AFF3: variants seen among roughly 807,000 people sequenced by gnomAD.
The protein encoded by AFF3 is ALF transcription elongation factor 3.
AFF3 carries 32 observed loss-of-function variants against 129.7 expected under a neutral mutation model. The observed-to-expected ratio is 0.25, with a 90% CI of 0.19 to 0.33. The LOEUF (loss-of-function observed/expected upper bound fraction) is 0.33, where lower values mean the gene tolerates loss of function less well. Ranked by LOEUF, AFF3 falls within the 10% of genes least tolerant of loss-of-function variation. AFF3 has a pLI of 1.00. For synonymous variants in AFF3, 644 were observed against 635.4 expected (o/e 1.01, Z -0.20); for missense variants, 1,373 against 1,592.0 (o/e 0.86, Z 2.34).
intron 7 of AFF3, among the ~76,000 whole-genome samples, chr2:99,872,764 T>C (rs891830531): frequency 6.6e-6 from 1 of 152,206 alleles, no homozygotes; most frequent in Non-Finnish European, 1.5e-5. Context: ...TTTTGCAATA[T>C]AACATCGTTC....
At chr2:99,766,414 G>A (rs1683025963) in intron 8 of AFF3, among the ~76,000 whole-genome samples, 1 of 152,200 alleles carries the variant, frequency 6.6e-6, no homozygotes. Flanking sequence ...GGATGTCTCT[G>A]GGTCTTAAGG....
intron 7 of AFF3, among the ~76,000 whole-genome samples, chr2:99,859,749 T>C (rs17023236): frequency 0.16 from 24,456 of 152,142 alleles, 2,142 homozygotes; most frequent in Admixed American, 0.24. Flanking sequence ...AGAGAAGAAG[T>C]TGCAAAATTC....
intron 2 of AFF3, among the ~76,000 whole-genome samples, chr2:100,121,285 G>A (rs1263641070): frequency 4.6e-5 from 7 of 152,166 alleles, no homozygotes; most frequent in Non-Finnish European, 7.3e-5. Flanking sequence ...GCTGGGCTTC[G>A]GAGAATATAG....
intron 13 of AFF3, among the ~76,000 whole-genome samples, chr2:99,645,161 C>T (rs75360427): frequency 0.067 from 10,214 of 152,014 alleles, 429 homozygotes; most frequent in East Asian, 0.12. Context: ...ATGGTGAAGC[C>T]CCCCCTCTAC....
chr2:99,643,402 G>A (rs185927223), intron 13 of AFF3, among the ~76,000 whole-genome samples: 4 of 152,180 alleles, frequency 2.6e-5, no homozygotes, highest in Non-Finnish European at 4.4e-5. Context: ...TGGGGAGACC[G>A]AAGGCTGCTG....
intron 4 of AFF3, among the ~76,000 whole-genome samples, chr2:100,015,575 T>C (rs1682945042): frequency 6.6e-6 from 1 of 152,204 alleles, no homozygotes; most frequent in Non-Finnish European, 1.5e-5. Flanking sequence ...GTCAAACTAA[T>C]TAACATCTCT....
At chr2:100,045,560 T>C (rs1225510209) in intron 4 of AFF3, among the ~76,000 whole-genome samples, 1 of 149,350 alleles carries the variant, frequency 6.7e-6, no homozygotes, top group East Asian at 2.0e-4. Context: ...GGTCCACTTA[T>C]TGTAGGTTTT....
chr2:99,626,924 G>A (rs1268566274), intron 13 of AFF3, among the ~76,000 whole-genome samples: 4 of 152,038 alleles, frequency 2.6e-5, no homozygotes, highest in Non-Finnish European at 4.4e-5. Context: ...TTTTATGGCC[G>A]CATAGTAGCA....
At chr2:99,563,231 C>A (rs1319196343) in intron 20 of AFF3, among the ~76,000 whole-genome samples, 2 of 151,662 alleles carry the variant, frequency 1.3e-5, no homozygotes, top group Non-Finnish European at 2.9e-5. Flanking sequence ...CGCTCTGTCG[C>A]CCAGGCTGGA....
intron 7 of AFF3, among the ~76,000 whole-genome samples, chr2:99,856,349 C>G (rs1458021667): frequency 1.3e-5 from 2 of 152,052 alleles, no homozygotes; most frequent in African/African-American, 4.8e-5. Context: ...ACTAGGCATA[C>G]AAAGAACCGG....
At chr2:99,580,118 G>C (rs149440118) in intron 17 of AFF3, among the ~76,000 whole-genome samples, 16 of 152,040 alleles carry the variant, frequency 1.1e-4, no homozygotes, top group Admixed American at 2.6e-4. Flanking sequence ...TGTGGCCTCT[G>C]TTCCCCAGAT....
At chr2:99,918,303 T>C (rs964097381) in intron 7 of AFF3, among the ~76,000 whole-genome samples, 3 of 152,202 alleles carry the variant, frequency 2.0e-5, no homozygotes, top group African/African-American at 7.2e-5. Context: ...CAATCCAAGT[T>C]TGAAACATTC....
intron 19 of AFF3, among the ~76,000 whole-genome samples, chr2:99,566,852 C>T (rs927612756): frequency 1.3e-5 from 2 of 152,160 alleles, no homozygotes; most frequent in African/African-American, 4.8e-5. Flanking sequence ...AAAAAAACTT[C>T]ATTAGTAATG....
intron 4 of AFF3, among the ~76,000 whole-genome samples, chr2:100,070,607 C>T (rs1688101511): frequency 6.6e-6 from 1 of 152,174 alleles, no homozygotes; most frequent in African/African-American, 2.4e-5. Context: ...CCGTTTCATA[C>T]ATGATAATTT....
At chr2:99,820,507 C>A (rs1687574532) in intron 8 of AFF3, among the ~76,000 whole-genome samples, 1 of 151,906 alleles carries the variant, frequency 6.6e-6, no homozygotes, top group South Asian at 2.1e-4. Context: ...TAGGACATTA[C>A]CGTACACTAC....
At chr2:99,660,473 G>A (rs970826317) in intron 12 of AFF3, among the ~76,000 whole-genome samples, 3 of 152,194 alleles carry the variant, frequency 2.0e-5, no homozygotes, top group Non-Finnish European at 4.4e-5. Context: ...TTATACAAGA[G>A]AAAGCTGAAC....
intron 7 of AFF3, among the ~76,000 whole-genome samples, chr2:99,927,725 TTAAAA>T (rs1271767659): frequency 6.6e-6 from 1 of 152,146 alleles, no homozygotes. Flanking sequence ...ACCCCTGAAC[TTAAAA>T]TAAAAGTTAA....
At chr2:99,678,134 C>T (rs984424073) in intron 11 of AFF3, among the ~76,000 whole-genome samples, 1 of 152,176 alleles carries the variant, frequency 6.6e-6, no homozygotes, top group African/African-American at 2.4e-5. Context: ...TAAATGCCTT[C>T]GAATTGTGAA....
chr2:99,957,170 CGTGT>C (rs147671356), intron 7 of AFF3, among the ~76,000 whole-genome samples: 10 of 147,872 alleles, frequency 6.8e-5, no homozygotes, highest in African/African-American at 1.8e-4. Flanking sequence ...TGTGCATGTA[CGTGT>C]GTGTGTGCGT....
Sources: gnomAD v4.1 joint callset for allele counts (sites outside exome capture counted in the v4.1 genomes callset) on GRCh38, gnomAD v4.1.1 for gene constraint, MANE v1.5 for transcripts, NCBI Gene and HGNC (gene_info 2026-07-23, HGNC 2026-07-21) for gene names.